The following GABRB3 variants were observed in gnomAD, a reference collection of about 807,000 sequenced individuals.
The protein encoded by GABRB3 is gamma-aminobutyric acid type A receptor subunit beta3, also known as gamma-aminobutyric acid receptor subunit beta-3.
Under a neutral mutation model 52.1 loss-of-function variants are expected in GABRB3, and 14 were observed. The ratio of observed to expected loss-of-function variants is 0.27; its 90% CI spans 0.18 to 0.42. The LOEUF (loss-of-function observed/expected upper bound fraction) is 0.42, where lower values mean the gene tolerates loss of function less well. Among genes scored for constraint, GABRB3 ranks in the 10% least tolerant of loss-of-function variants. GABRB3 has a pLI of 1.00. For missense variants in GABRB3, 307 were observed against 609.1 expected, an observed-to-expected ratio of 0.50 and a Z score of 5.22; for synonymous variants, 260 against 232.3, an observed-to-expected ratio of 1.12 and a Z score of -1.08.
intron 4 of GABRB3, among the ~76,000 whole-genome samples, chr15:26,593,099 C>G (rs560546786): frequency 3.9e-5 from 6 of 152,130 alleles, no homozygotes; most frequent in Non-Finnish European, 5.9e-5. Context: ...CCAGGTGATG[C>G]TGATGCTGGT....
At chr15:26,769,852 A>G (rs1891099022) in intron 3 of GABRB3, among the ~76,000 whole-genome samples, 1 of 152,102 alleles carries the variant, frequency 6.6e-6, no homozygotes, top group Non-Finnish European at 1.5e-5. Context: ...ACCGTTTGTC[A>G]TATCTGCTCT....
chr15:26,770,473 G>GGCAA (rs1891115835), intron 3 of GABRB3, among the ~76,000 whole-genome samples: 1 of 152,276 alleles, frequency 6.6e-6, no homozygotes, highest in African/African-American at 2.4e-5. Flanking sequence ...TCAAATCATA[G>GGCAA]ACTACAAATT....
chr15:26,625,049 A>G (rs1892638218), intron 3 of GABRB3: 1 of 769,398 alleles, frequency 1.3e-6, no homozygotes, highest in Non-Finnish European at 1.6e-6. Context: ...GAAGAGCTGA[A>G]GTAACTCGCT....
intron 8 of GABRB3, among the ~76,000 whole-genome samples, chr15:26,553,999 C>A: frequency 1.3e-5 from 1 of 78,302 alleles, no homozygotes; most frequent in East Asian, 2.4e-4. Flanking sequence ...CTCAGCCTCC[C>A]GAGTAGCTGA....
At chr15:26,746,581 T>C (rs1365796464) in intron 3 of GABRB3, among the ~76,000 whole-genome samples, 1 of 140,212 alleles carries the variant, frequency 7.1e-6, no homozygotes, top group African/African-American at 2.6e-5. Context: ...GTCCGTTTTT[T>C]GTTTTTTTTT....
At chr15:26,572,532 T>C (rs767175092) in intron 6 of GABRB3, among the ~76,000 whole-genome samples, 1 of 152,244 alleles carries the variant, frequency 6.6e-6, no homozygotes, top group African/African-American at 2.4e-5. Flanking sequence ...TCCCATTTGA[T>C]GTGCATCTTA....
chr15:26,702,319 G>A lies in GABRB3; in HGVS notation c.240+70083C>T, dbSNP rs10083720. On this transcript the variant is annotated intron_variant, in intron 3 of 8. Coordinates refer to ENST00000311550, the MANE Select transcript of GABRB3 (RefSeq NM_000814.6). Reference sequence around the variant, plus strand: ...GACTGGGAAAGAATATTTGTATAGCGTATATCTGATAAAGAGCTTACATCC... The same window carrying A: ...GACTGGGAAAGAATATTTGTATAGCATATATCTGATAAAGAGCTTACATCC... Among the ~76,000 whole-genome samples, 874 of 151,682 alleles carry A rather than the reference G, an allele frequency of 5.8e-3. 13 individuals are homozygous for A. Among genetic ancestry groups the A allele is most frequent in the African/African-American group, 0.02 (837 of 41,402 alleles).
At chr15:26,687,669 T>C (rs1888450125) in intron 3 of GABRB3, among the ~76,000 whole-genome samples, 1 of 152,198 alleles carries the variant, frequency 6.6e-6, no homozygotes, top group Non-Finnish European at 1.5e-5. Context: ...GTTTTTCACT[T>C]AATTGAGAAA....
At chr15:26,562,282 G>GA (rs1890020284) in intron 7 of GABRB3, among the ~76,000 whole-genome samples, 2 of 152,212 alleles carry the variant, frequency 1.3e-5, no homozygotes, top group African/African-American at 4.8e-5. Flanking sequence ...ATGTCTCAAG[G>GA]AAGCAAGACA....
chr15:26,555,996 A>G (rs185928381), intron 8 of GABRB3, among the ~76,000 whole-genome samples: 1 of 152,318 alleles, frequency 6.6e-6, no homozygotes, highest in African/African-American at 2.4e-5. Context: ...TCCAAGAGAA[A>G]GTCTTTTTCT....
chr15:26,757,120 C>G (rs759261673), intron 3 of GABRB3, among the ~76,000 whole-genome samples: 2 of 152,160 alleles, frequency 1.3e-5, no homozygotes, highest in Non-Finnish European at 2.9e-5. Flanking sequence ...ATCCCAGTCT[C>G]CCAAGTATTT....
intron 3 of GABRB3, among the ~76,000 whole-genome samples, chr15:26,769,412 C>T (rs528336230): frequency 1.3e-5 from 2 of 152,320 alleles, no homozygotes; most frequent in Admixed American, 6.5e-5. Context: ...TCATCTTACG[C>T]CACATCTCAA....
At chr15:26,641,225 T>G (rs1436150969) in intron 3 of GABRB3, among the ~76,000 whole-genome samples, 3 of 152,188 alleles carry the variant, frequency 2.0e-5, no homozygotes, top group Non-Finnish European at 2.9e-5. Flanking sequence ...AGCCTGCAAT[T>G]ATCAGATCGC....
chr15:26,748,102 T>C (rs1235157605), intron 3 of GABRB3, among the ~76,000 whole-genome samples: 1 of 152,076 alleles, frequency 6.6e-6, no homozygotes, highest in African/African-American at 2.4e-5. Flanking sequence ...TCCTCTAAGA[T>C]ATTGCTGGCT....
At chr15:26,764,751 C>A (rs1890949843) in intron 3 of GABRB3, among the ~76,000 whole-genome samples, 1 of 152,140 alleles carries the variant, frequency 6.6e-6, no homozygotes, top group Non-Finnish European at 1.5e-5. Context: ...CAGAAACTTG[C>A]AAACAAATGA....
At chr15:26,696,405 CAA>C (rs1242568164) in intron 3 of GABRB3, among the ~76,000 whole-genome samples, 3 of 152,172 alleles carry the variant, frequency 2.0e-5, no homozygotes, top group South Asian at 2.1e-4. Context: ...ATCATTCAAA[CAA>C]TGAATAAACT....
chr15:26,660,038 C>T (rs946749470), intron 3 of GABRB3, among the ~76,000 whole-genome samples: 10 of 152,044 alleles, frequency 6.6e-5, no homozygotes, highest in African/African-American at 2.4e-4. Context: ...GAGACCAACC[C>T]GGCCAACACG....
intron 8 of GABRB3, among the ~76,000 whole-genome samples, chr15:26,559,599 T>C (rs1889903086): frequency 6.6e-6 from 1 of 152,146 alleles, no homozygotes; most frequent in Non-Finnish European, 1.5e-5. Context: ...AAAGATAAAT[T>C]TTAAAAATTA....
chr15:26,630,741 G>C (rs1230951082), intron 3 of GABRB3, among the ~76,000 whole-genome samples: 1 of 152,114 alleles, frequency 6.6e-6, no homozygotes, highest in Non-Finnish European at 1.5e-5. Context: ...GAAATCGGGG[G>C]CCCTCTCCAC....
Sources: gnomAD v4.1 joint callset for allele counts (sites outside exome capture counted in the v4.1 genomes callset) on GRCh38, gnomAD v4.1.1 for gene constraint, MANE v1.5 for transcripts, NCBI Gene and HGNC (gene_info 2026-07-23, HGNC 2026-07-21) for gene names.